The following ESRRG variants were observed in gnomAD, a reference collection of about 807,000 sequenced individuals.
ESRRG encodes estrogen related receptor gamma.
ESRRG carries 13 observed loss-of-function variants against 44.0 expected under a neutral mutation model. The observed-to-expected ratio is 0.30, with a 90% CI of 0.19 to 0.47. ESRRG has a LOEUF of 0.47. Ranked by LOEUF, ESRRG falls within the 20% of genes least tolerant of loss-of-function variation. The pLI, the probability that ESRRG is intolerant of heterozygous loss-of-function variation, is 1.00. For missense variants in ESRRG, 395 were observed against 580.6 expected (o/e 0.68, Z 3.29); for synonymous variants, 215 against 214.6 (o/e 1.00, Z -0.02).
intron 2 of ESRRG, among the ~76,000 whole-genome samples, chr1:216,925,204 C>T (rs1003389558): frequency 1.1e-4 from 17 of 152,120 alleles, no homozygotes; most frequent in Non-Finnish European, 2.1e-4. Flanking sequence ...TTTGGGAGGC[C>T]GAGGCGGGCA....
chr1:216,900,335 C>T (rs1348982029), intron 2 of ESRRG, among the ~76,000 whole-genome samples: 1 of 152,076 alleles, frequency 6.6e-6, no homozygotes, highest in East Asian at 1.9e-4. Context: ...ATAAAAAACC[C>T]TAAATATTCA....
At chr1:216,741,000 T>C (rs2090620453) in intron 2 of ESRRG, among the ~76,000 whole-genome samples, 1 of 151,774 alleles carries the variant, frequency 6.6e-6, no homozygotes, top group Non-Finnish European at 1.5e-5. Flanking sequence ...TTTTTTAAAG[T>C]CATATACGAA....
At chr1:216,887,497 A>G (rs2057186562) in intron 2 of ESRRG, among the ~76,000 whole-genome samples, 1 of 152,192 alleles carries the variant, frequency 6.6e-6, no homozygotes. Context: ...TGTCGCTTTT[A>G]TACAAAGATG....
At chr1:216,658,502 G>C (rs1281685920) in intron 2 of ESRRG, among the ~76,000 whole-genome samples, 1 of 151,886 alleles carries the variant, frequency 6.6e-6, no homozygotes, top group Non-Finnish European at 1.5e-5. Context: ...AAATGTCTGA[G>C]GAGGAATGTG....
intron 1 of ESRRG, among the ~76,000 whole-genome samples, chr1:216,995,170 T>C (rs775148434): frequency 6.6e-6 from 1 of 152,170 alleles, no homozygotes; most frequent in South Asian, 2.1e-4. Context: ...CTTCATCTCT[T>C]GCATCCAATA....
chr1:217,137,552 G>C (rs2093066225), intron 1 of ESRRG: 1 of 152,312 alleles, frequency 6.6e-6, no homozygotes, highest in African/African-American at 2.4e-5. Flanking sequence ...CTGCGGTACC[G>C]CCTGTCGGTC....
chr1:216,909,360 A>G (rs2060058537), intron 2 of ESRRG, among the ~76,000 whole-genome samples: 1 of 152,204 alleles, frequency 6.6e-6, no homozygotes, highest in South Asian at 2.1e-4. Flanking sequence ...CCTGGTGGTT[A>G]TGAGTTACCA....
chr1:216,961,996 A>T (rs10492956), intron 1 of ESRRG, among the ~76,000 whole-genome samples: 1,740 of 152,296 alleles, frequency 0.011, 60 homozygotes, highest in East Asian at 0.083. Flanking sequence ...TTTACCTAAG[A>T]AATTATCTGA....
rs536731365 is a variant in ESRRG, at chr1:216,693,821, T to C, written c.57-16330A>G. Among the ~76,000 whole-genome samples, 29 of 152,334 alleles carry C rather than the reference T, an allele frequency of 1.9e-4. No individual in the cohort carries two copies. In the Middle Eastern group the frequency reaches 0.01, roughly 54 times the overall value. On this transcript the variant is annotated intron_variant, in intron 1 of 6. Coordinates refer to ENST00000408911, the MANE Select transcript of ESRRG (RefSeq NM_001438.4). ...AACTTATGTTTCCATCCTTCCTCTA[T>C]GAATTAATTGTTTTATACTTCTATT...
intron 2 of ESRRG, among the ~76,000 whole-genome samples, chr1:216,806,302 C>A (rs1576750200): frequency 6.6e-6 from 1 of 152,162 alleles, no homozygotes; most frequent in African/African-American, 2.4e-5. Flanking sequence ...ACAAAACAGG[C>A]TGGCTTTTTG....
At chr1:216,750,087 G>A (rs895026295) in intron 2 of ESRRG, among the ~76,000 whole-genome samples, 33 of 151,972 alleles carry the variant, frequency 2.2e-4, no homozygotes, top group East Asian at 3.9e-4. Flanking sequence ...TCCTTTCTTC[G>A]TTCCTCCCTC....
At chr1:217,120,269 A>G (rs1258337394) in intron 1 of ESRRG, among the ~76,000 whole-genome samples, 1 of 151,560 alleles carries the variant, frequency 6.6e-6, no homozygotes, top group African/African-American at 2.4e-5. Flanking sequence ...GAAATATTTT[A>G]TTTTATTTCA....
chr1:216,601,684 A>C (rs1034435189), intron 3 of ESRRG, among the ~76,000 whole-genome samples: 5 of 152,150 alleles, frequency 3.3e-5, no homozygotes, highest in Admixed American at 1.3e-4. Context: ...CTTGCCCACA[A>C]GTTGGAATAT....
rs192964894 is a variant in ESRRG at position 216,576,161 on chromosome 1, G to A, written c.590-8063C>T. Among the ~76,000 whole-genome samples the A allele has an allele frequency of 1.2e-4, 18 of 152,088 alleles. No homozygotes were observed. In the East Asian group the frequency reaches 3.5e-3, roughly 29 times the overall value. On this transcript the variant is annotated intron_variant, in intron 3 of 6. Transcript: ENST00000408911. Reference sequence around the variant, plus strand: ...ACAGTTCAGGAGGGAGTCCCACAGAGTCTATTTTCCACTAAACTCCCCCAG... The same window carrying A: ...ACAGTTCAGGAGGGAGTCCCACAGAATCTATTTTCCACTAAACTCCCCCAG...
chr1:216,572,125 A>T (rs1449638451), intron 3 of ESRRG, among the ~76,000 whole-genome samples: 1 of 152,170 alleles, frequency 6.6e-6, no homozygotes, highest in African/African-American at 2.4e-5. Flanking sequence ...ATTGTCTAGT[A>T]GGATGATGAT....
intron 1 of ESRRG, among the ~76,000 whole-genome samples, chr1:217,070,600 C>T (rs1309571790): frequency 1.3e-5 from 2 of 152,260 alleles, no homozygotes; most frequent in Non-Finnish European, 1.5e-5. Flanking sequence ...AGGTTGGTCT[C>T]GAACCCCTGA....
chr1:216,787,635 G>A (rs2094176461), intron 2 of ESRRG, among the ~76,000 whole-genome samples: 1 of 149,256 alleles, frequency 6.7e-6, no homozygotes, highest in Non-Finnish European at 1.5e-5. Flanking sequence ...TCCCGAAATG[G>A]CCTCCAAGTG....
intron 1 of ESRRG, among the ~76,000 whole-genome samples, chr1:217,111,118 G>A (rs889568382): frequency 1.3e-5 from 2 of 152,176 alleles, no homozygotes; most frequent in African/African-American, 4.8e-5. Context: ...CCTCAGTTAA[G>A]AAATAGAATA....
intron 2 of ESRRG, among the ~76,000 whole-genome samples, chr1:216,812,136 T>G (rs2094990401): frequency 1.3e-5 from 2 of 152,132 alleles, no homozygotes; most frequent in African/African-American, 4.8e-5. Context: ...AATCTCCAAG[T>G]CCCACTCTCC....
Sources: gnomAD v4.1 joint callset for allele counts (sites outside exome capture counted in the v4.1 genomes callset) on GRCh38, gnomAD v4.1.1 for gene constraint, MANE v1.5 for transcripts, NCBI Gene and HGNC (gene_info 2026-07-23, HGNC 2026-07-21) for gene names.